SNX14: variants seen among roughly 807,000 people sequenced by gnomAD.
SNX14 encodes the protein sorting nexin 14, also known as sorting nexin-14.
A neutral mutation model predicts 133.8 loss-of-function variants in SNX14; 93 were observed. The observed-to-expected ratio is 0.70, with a 90% CI of 0.59 to 0.83. The LOEUF (loss-of-function observed/expected upper bound fraction) is 0.83. Ranked by LOEUF, SNX14 falls within the 40% of genes least tolerant of loss-of-function variation. The probability of loss-of-function intolerance (pLI) is 0.00; values close to 1 mark genes in which losing one functional copy is unlikely to be tolerated. For missense variants in SNX14, 945 were observed against 1,094.9 expected (o/e 0.86, Z 1.93); for synonymous variants, 368 against 365.6 (o/e 1.01, Z -0.07).
At chr6:85,518,950 C>G (rs1404985869) in intron 21 of SNX14, among the ~76,000 whole-genome samples, 2 of 152,198 alleles carry the variant, frequency 1.3e-5, no homozygotes, top group Non-Finnish European at 2.9e-5. Context: ...CTGCCTGTCT[C>G]CTGGACTCTC....
At chr6:85,564,424 C>T (rs1280444292) in intron 6 of SNX14, among the ~76,000 whole-genome samples, 4 of 152,330 alleles carry the variant, frequency 2.6e-5, no homozygotes, top group Middle Eastern at 3.4e-3. Context: ...CACATCCTCT[C>T]CAGCACCTGT....
chr6:85,586,327 C>CT (rs148938982), intron 1 of SNX14, among the ~76,000 whole-genome samples: 1,804 of 152,142 alleles, frequency 0.012, 41 homozygotes, highest in African/African-American at 0.041. Flanking sequence ...TATACAAAGC[C>CT]TAAAATATTT....
chr6:85,552,407 A>G (rs1023084675), intron 7 of SNX14, among the ~76,000 whole-genome samples: 1 of 152,170 alleles, frequency 6.6e-6, no homozygotes, highest in Non-Finnish European at 1.5e-5. Context: ...AAAAGGCATT[A>G]TATGCATTGC....
At chr6:85,514,335 T>C (rs6454472) in intron 24 of SNX14, 101 bp from the exon 25 acceptor site, 2 of 1,485,124 alleles carry the variant, frequency 1.3e-6, no homozygotes. Flanking sequence ...CAATATTTTA[T>C]TTGTAAACAC....
In SNX14 at chr6:85,581,022, G is replaced by A. The variant is rs544174454; in HGVS notation, c.141-6644C>T. 2.0e-5 allele frequency among the ~76,000 whole-genome samples: 3 copies of A among 152,152 alleles called. No homozygotes were observed. The East Asian group carries it at 5.8e-4, about 30-fold the overall frequency. Reference sequence around the variant, plus strand: ...CAGTAGCCAGATAGTGGTTACAGTGGGCCTTGGATGAGACCCAGCGCCTGT... The same window carrying A: ...CAGTAGCCAGATAGTGGTTACAGTGAGCCTTGGATGAGACCCAGCGCCTGT... On this transcript the variant is annotated intron_variant, in intron 1 of 28. Transcript: ENST00000314673.
At chr6:85,541,962 C>T in intron 15 of SNX14, 23 bp downstream of exon 15, 1 of 1,576,670 alleles carries the variant, frequency 6.3e-7, no homozygotes, top group Non-Finnish European at 8.6e-7. Context: ...TCAGCAAGTT[C>T]AAAAACAAAA....
chr6:85,580,718 A>C (rs1478741769), intron 1 of SNX14, among the ~76,000 whole-genome samples: 3 of 152,178 alleles, frequency 2.0e-5, no homozygotes, highest in African/African-American at 4.8e-5. Context: ...AGAGTCTAGC[A>C]GCACTCCCAT....
chr6:85,567,488 G>A, intron 5 of SNX14, 46 bp downstream of exon 5: 1 of 1,297,298 alleles, frequency 7.7e-7, no homozygotes, highest in Non-Finnish European at 1.1e-6. Flanking sequence ...TAACTTAATA[G>A]TATTCACTGT....
intron 1 of SNX14, among the ~76,000 whole-genome samples, chr6:85,578,444 G>A (rs534760153): frequency 6.6e-6 from 1 of 152,146 alleles, no homozygotes; most frequent in African/African-American, 2.4e-5. Context: ...AGGGAAGAGG[G>A]GGGTATCCTG....
Position 85,526,229 on chromosome 6 carries a change from CAGAAGTTTCTTGA to C in SNX14, c.1996-5_2003del. 1 of 1,592,996 alleles carries C rather than the reference CAGAAGTTTCTTGA, an allele frequency of 6.3e-7. No individual in the cohort carries two copies. On this transcript the variant is annotated splice_acceptor_variant and splice_polypyrimidine_tract_variant and coding_sequence_variant and intron_variant, in exon 21 of 29. Coordinates refer to ENST00000314673, the MANE Select transcript of SNX14 (RefSeq NM_153816.6). LOFTEE classifies it high-confidence loss of function. ...GACTATTACTCAGTTCTGGATGCTG[CAGAAGTTTCTTGA>C]ATGAACAAAAAAAACGGAAAACACA...
intron 12 of SNX14, among the ~76,000 whole-genome samples, chr6:85,544,853 T>C (rs187010602): frequency 1.3e-5 from 2 of 152,312 alleles, no homozygotes; most frequent in East Asian, 3.9e-4. Flanking sequence ...GAAACAATAT[T>C]AGAAACCTGG....
chr6:85,552,643 T>C (rs1788229774), intron 7 of SNX14, among the ~76,000 whole-genome samples: 2 of 152,200 alleles, frequency 1.3e-5, no homozygotes, highest in South Asian at 4.1e-4. Context: ...TTTGGTTCCC[T>C]ACAGAAACTA....
At chr6:85,543,347 C>A in intron 13 of SNX14, 41 bp from the exon 14 acceptor site, 1 of 1,487,386 alleles carries the variant, frequency 6.7e-7, no homozygotes, top group Non-Finnish European at 9.0e-7. Flanking sequence ...TTATAAATAG[C>A]ATAAATATAT....
At chr6:85,507,875 T>G (rs1330062834) in intron 27 of SNX14, 93 bp downstream of exon 27, 2 of 852,436 alleles carry the variant, frequency 2.3e-6, no homozygotes, top group East Asian at 2.7e-5. Context: ...TTTAGTATAG[T>G]GTCATTTATA....
At chr6:85,515,043 T>G (rs1356500619) in intron 23 of SNX14, among the ~76,000 whole-genome samples, 1 of 152,026 alleles carries the variant, frequency 6.6e-6, no homozygotes, top group Non-Finnish European at 1.5e-5. Context: ...GGCAGGCAGA[T>G]CACCTGAGCT....
At chr6:85,563,454 C>T (rs1441418492) in intron 6 of SNX14, among the ~76,000 whole-genome samples, 1 of 152,156 alleles carries the variant, frequency 6.6e-6, no homozygotes, top group South Asian at 2.1e-4. Context: ...TGCAATGGCA[C>T]GATCTCGGCT....
At chr6:85,564,539 A>G (rs1381958340) in intron 6 of SNX14, among the ~76,000 whole-genome samples, 1 of 152,154 alleles carries the variant, frequency 6.6e-6, no homozygotes, top group Non-Finnish European at 1.5e-5. Flanking sequence ...ACTTTTTTCT[A>G]TAGCTGTCTT....
chr6:85,553,329 C>T (rs950518315), intron 7 of SNX14, among the ~76,000 whole-genome samples: 2 of 152,180 alleles, frequency 1.3e-5, no homozygotes, highest in Admixed American at 6.5e-5. Context: ...AAGCTTTTCT[C>T]CATTAGAATT....
chr6:85,558,003 C>T lies in SNX14; in HGVS notation c.607G>A (p.Glu203Lys). The T allele has an allele frequency of 6.3e-7, 1 of 1,595,180 alleles. No individual in the cohort carries two copies. Among genetic ancestry groups the T allele is most frequent in the Non-Finnish European group, 8.6e-7 (1 of 1,165,590 alleles). The part of the protein sequence containing the change: ...KLLKAAMKHI[E>K]VIVKARQKVK... ...TTCTGTCTGGCTTTAACTATCACTT[C>T]TATATGCTTCATTGCTGCTTTTAAT... Residue 203 changes from glutamate to lysine, a missense_variant, in exon 7 of 29, where the codon GAA becomes AAA. Coordinates refer to ENST00000314673, the MANE Select transcript of SNX14 (RefSeq NM_153816.6).
Sources: allele counts gnomAD v4.1 joint callset (sites outside exome capture counted in the v4.1 genomes callset), GRCh38; gene constraint gnomAD v4.1.1; transcripts MANE v1.5; gene names NCBI Gene and HGNC (gene_info 2026-07-23, HGNC 2026-07-21).